TRIM25: variants seen among roughly 807,000 people sequenced by gnomAD.
The protein encoded by TRIM25 is tripartite motif containing 25.
Under a neutral mutation model 65.2 loss-of-function variants are expected in TRIM25, and 45 were observed. The ratio of observed to expected loss-of-function variants is 0.69; its 90% CI spans 0.54 to 0.89. TRIM25 has a LOEUF of 0.89. TRIM25 is among the 40% of genes least tolerant of loss of function. The pLI, the probability that TRIM25 is intolerant of heterozygous loss-of-function variation, is 0.00. For synonymous variants in TRIM25, 321 were observed against 340.4 expected (o/e 0.94, Z 0.63); for missense variants, 714 against 803.7 (o/e 0.89, Z 1.35).
At chr17:56,892,877 T>C (rs1909210287) in intron 8 of TRIM25, among the ~76,000 whole-genome samples, 1 of 152,092 alleles carries the variant, frequency 6.6e-6, no homozygotes, top group Admixed American at 6.5e-5. Context: ...AACAACACCA[T>C]GAGACTCACA....
chr17:56,910,935 A>T (rs755436674), intron 1 of TRIM25, among the ~76,000 whole-genome samples: 7 of 152,180 alleles, frequency 4.6e-5, no homozygotes, highest in Non-Finnish European at 7.4e-5. Context: ...ACAGGGGGGT[A>T]GGTGTTGGCA....
chr17:56,892,678 T>A (rs2043512490), intron 8 of TRIM25, among the ~76,000 whole-genome samples: 1 of 152,190 alleles, frequency 6.6e-6, no homozygotes, highest in African/African-American at 2.4e-5. Flanking sequence ...CCATCCATTC[T>A]GTCCAGCCAG....
At chr17:56,896,347 G>A (rs1210475379) in intron 5 of TRIM25, among the ~76,000 whole-genome samples, 4 of 148,876 alleles carry the variant, frequency 2.7e-5, no homozygotes, top group African/African-American at 2.5e-5. Context: ...TAGGGAATCA[G>A]AAAAAAAAAA....
rs1389464239 is a variant in TRIM25, at chr17:56,914,013, ACTG to A, written c.-28_-26del. On this transcript the variant is annotated 5_prime_UTR_variant, in exon 1 of 9. Transcript: ENST00000316881. Reference sequence around the variant, plus strand: ...TGGCGCTCCCAGGGGTCGGGACACAACTGCTGCACCCGCGCTCCGAGGCCGCCG... The same window carrying A: ...TGGCGCTCCCAGGGGTCGGGACACAACTGCACCCGCGCTCCGAGGCCGCCG... The A allele has an allele frequency of 6.8e-6, 10 of 1,463,912 alleles. No homozygotes were observed. The highest frequency in any genetic ancestry group is 2.3e-4 in the Middle Eastern group (1 of 4,418). 90.7% of individuals were successfully genotyped at this position (1,463,912 alleles called of 1,614,324 possible).
At chr17:56,907,461 G>A (rs749942189) in intron 2 of TRIM25, among the ~76,000 whole-genome samples, 8 of 152,210 alleles carry the variant, frequency 5.3e-5, no homozygotes, top group Non-Finnish European at 1.2e-4. Context: ...ATGTGACAGA[G>A]CTGGTATTCT....
chr17:56,910,264 T>C (rs538375563), intron 1 of TRIM25, among the ~76,000 whole-genome samples: 2 of 152,330 alleles, frequency 1.3e-5, no homozygotes, highest in South Asian at 2.1e-4. Flanking sequence ...GGGCGGAACC[T>C]GATCTTGAAT....
intron 5 of TRIM25, 91 bp from the exon 6 acceptor site, chr17:56,896,043 C>G: frequency 1.5e-6 from 2 of 1,327,412 alleles, no homozygotes; most frequent in Non-Finnish European, 2.1e-6. Context: ...TGAATTTGAC[C>G]CAGACAAATA....
chr17:56,896,601 T>A (rs1484208056), intron 5 of TRIM25, among the ~76,000 whole-genome samples: 1 of 148,810 alleles, frequency 6.7e-6, no homozygotes, highest in African/African-American at 2.5e-5. Flanking sequence ...CCCAGGAGGA[T>A]GAGGCTGCAG....
chr17:56,901,369 T>A (rs749380324), intron 4 of TRIM25, 50 bp downstream of exon 4: 2 of 1,573,438 alleles, frequency 1.3e-6, no homozygotes, highest in Non-Finnish European at 1.7e-6. Flanking sequence ...AGGGGACCCA[T>A]CGGGTTGCAG....
In TRIM25 at chr17:56,904,282, G is replaced by C; in HGVS notation, c.900C>G (p.Thr300=). The C allele has an allele frequency of 6.2e-7, 1 of 1,613,242 alleles. No individual in the cohort carries two copies. Among genetic ancestry groups the C allele is most frequent in the Non-Finnish European group, 8.5e-7 (1 of 1,179,938 alleles). Residue 300 remains threonine (T), a synonymous_variant, in exon 3 of 9, where the codon ACC becomes ACG. Coordinates refer to ENST00000316881, the MANE Select transcript of TRIM25 (RefSeq NM_005082.5). ...CCAGAAACTCGAACTCATCCCTCTT[G>C]GTCAGGCTCTGTTCAATCTCCTCCT... is the stretch of plus-strand genomic sequence containing the variant. ...TLKEEIEQSL[T]KRDEFEFLEK...
chr17:56,895,410 G>A lies in TRIM25; in HGVS notation c.1296C>T (p.Asn432=). 3 of 1,614,218 alleles carry A rather than the reference G, an allele frequency of 1.9e-6. No homozygotes were observed. Among genetic ancestry groups the A allele is most frequent in the Non-Finnish European group, 2.5e-6 (3 of 1,180,040 alleles). Reference sequence around the variant, plus strand: ...GCACCTTGGCCTTGAGAGATGTTGAGTTCGGATGTGAGCTGGTGGCTTTGG... The same window carrying A: ...GCACCTTGGCCTTGAGAGATGTTGAATTCGGATGTGAGCTGGTGGCTTTGG... The part of the protein sequence containing the change: ...AAAKATSSHP[N]STSLKAKVLE... Residue 432 remains asparagine (N), a synonymous_variant, in exon 8 of 9, where the codon AAC becomes AAT. Coordinates refer to ENST00000316881, the MANE Select transcript of TRIM25 (RefSeq NM_005082.5).
intron 1 of TRIM25, chr17:56,908,785 G>C (rs922327207): frequency 2.0e-6 from 1 of 508,584 alleles, no homozygotes; most frequent in South Asian, 2.5e-5. Flanking sequence ...GTACAGACCA[G>C]GGTTCCAGTC....
chr17:56,907,720 C>G (rs1030639290), intron 2 of TRIM25, among the ~76,000 whole-genome samples: 1 of 152,172 alleles, frequency 6.6e-6, no homozygotes, highest in African/African-American at 2.4e-5. Flanking sequence ...CCCCAAAAGA[C>G]ATGTCCATAT....
intron 8 of TRIM25, among the ~76,000 whole-genome samples, chr17:56,892,876 A>G (rs1439755996): frequency 6.6e-6 from 1 of 152,218 alleles, no homozygotes; most frequent in Non-Finnish European, 1.5e-5. Flanking sequence ...TAACAACACC[A>G]TGAGACTCAC....
In TRIM25 at chr17:56,891,579, C is replaced by A; in HGVS notation, c.*121G>T. 1 of 1,118,522 alleles carries A rather than the reference C, an allele frequency of 8.9e-7. No homozygotes were observed. The highest frequency in any genetic ancestry group is 1.3e-6 in the Non-Finnish European group (1 of 799,746). The allele number at this position is 1,118,522 out of a possible 1,614,324, so 69.3% of individuals were successfully genotyped here. A position where few individuals can be genotyped will look rare whatever the true frequency, so the allele number is the denominator to read the frequency against. ...ACCTCCCACCCTCCCGCCAGCTCCC[C>A]TCCCATGCTCCCAATCCTTGGGACC... is the stretch of plus-strand genomic sequence containing the variant. On this transcript the variant is annotated 3_prime_UTR_variant, in exon 9 of 9. Coordinates refer to ENST00000316881, the MANE Select transcript of TRIM25 (RefSeq NM_005082.5).
In TRIM25 at chr17:56,888,113, G is replaced by A. The variant is rs1377565235; in HGVS notation, c.*3587C>T. Reference sequence around the variant, plus strand: ...CTTTAGTGTCCAGAGTTTTTATTAGGGTTTCATGATGTACTGATTAAAGCA... The same window carrying A: ...CTTTAGTGTCCAGAGTTTTTATTAGAGTTTCATGATGTACTGATTAAAGCA... On this transcript the variant is annotated 3_prime_UTR_variant, in exon 9 of 9. Coordinates refer to ENST00000316881, the MANE Select transcript of TRIM25 (RefSeq NM_005082.5). 8 of 152,130 alleles carry A rather than the reference G, an allele frequency of 5.3e-5. No homozygotes were observed. The highest frequency in any genetic ancestry group is 1.0e-4 in the Non-Finnish European group (7 of 68,050). The allele number at this position is 152,130 out of a possible 1,614,324, so 9.4% of individuals were successfully genotyped here.
chr17:56,891,690 T>G lies in TRIM25; in HGVS notation c.*10A>C, dbSNP rs1359337813. ...TCTGCAGGCAGTCAGCCCAAGTGCC[T>G]ACAGCCTGCCTACTTGGGGGAGCAG... On this transcript the variant is annotated 3_prime_UTR_variant, in exon 9 of 9. Coordinates refer to ENST00000316881, the MANE Select transcript of TRIM25 (RefSeq NM_005082.5). The G allele has an allele frequency of 6.2e-7, 1 of 1,608,428 alleles. No homozygotes were observed. Among genetic ancestry groups the G allele is most frequent in the Admixed American group, 1.7e-5 (1 of 59,744 alleles).
chr17:56,889,934 T>C lies in TRIM25; in HGVS notation c.*1766A>G, dbSNP rs916221813. On this transcript the variant is annotated 3_prime_UTR_variant, in exon 9 of 9. Transcript: ENST00000316881. The stretch of plus-strand genomic sequence containing the variant: ...AGGGATGTCTTTCCTACAAAGATTA[T>C]TGCTCTCCCGAGGAACTGAAAATCC... The C allele has an allele frequency of 2.3e-5, 9 of 398,630 alleles. No individual in the cohort carries two copies. The highest frequency in any genetic ancestry group is 3.5e-5 in the Non-Finnish European group (8 of 226,376). The allele number at this position is 398,630 out of a possible 1,614,324, so 24.7% of individuals were successfully genotyped here. A position where few individuals can be genotyped will look rare whatever the true frequency, so the allele number is the denominator to read the frequency against.
In TRIM25 at chr17:56,891,519, C is replaced by T; in HGVS notation, c.*181G>A. The T allele has an allele frequency of 1.2e-6, 1 of 802,150 alleles. No homozygotes were observed. The highest frequency in any genetic ancestry group is 1.9e-6 in the Non-Finnish European group (1 of 523,876). The allele number at this position is 802,150 out of a possible 1,614,324, so 49.7% of individuals were successfully genotyped here. ...GGTGGAAACGCCTCCTCGCCCACAA[C>T]ACAATCACTCTCACCCCTTTCCTGG... On this transcript the variant is annotated 3_prime_UTR_variant, in exon 9 of 9. Coordinates refer to ENST00000316881, the MANE Select transcript of TRIM25 (RefSeq NM_005082.5).
Sources: gnomAD v4.1 joint callset for allele counts (sites outside exome capture counted in the v4.1 genomes callset) on GRCh38, gnomAD v4.1.1 for gene constraint, MANE v1.5 for transcripts, NCBI Gene and HGNC (gene_info 2026-07-23, HGNC 2026-07-21) for gene names.